The following KL variants were observed in gnomAD, a reference collection of about 807,000 sequenced individuals.
The protein encoded by KL is klotho.
KL carries 62 observed loss-of-function variants against 84.2 expected under a neutral mutation model. The ratio of observed to expected loss-of-function variants is 0.74; its 90% confidence interval spans 0.60 to 0.91. The LOEUF (loss-of-function observed/expected upper bound fraction) is 0.91. KL is among the 40% of genes least tolerant of loss of function. The pLI is 0.00. For synonymous variants in KL, 528 were observed against 528.0 expected (o/e 1.00, Z 0.00); for missense variants, 1,261 against 1,305.7 (o/e 0.97, Z 0.53).
chr13:33,059,460 AC>A (rs1872089187), intron 3 of KL, among the ~76,000 whole-genome samples: 1 of 151,432 alleles, frequency 6.6e-6, no homozygotes, highest in Admixed American at 6.6e-5. Context: ...CCCTCCTTAG[AC>A]TTTCTTTTCT....
At chr13:33,028,100 T>C (rs771983797) in intron 1 of KL, among the ~76,000 whole-genome samples, 12 of 152,064 alleles carry the variant, frequency 7.9e-5, no homozygotes, top group Non-Finnish European at 1.6e-4. Flanking sequence ...ATTGGCGGAG[T>C]CCACATCTTG....
Position 33,016,751 on chromosome 13 carries a change from C to A in KL, c.311C>A (p.Ser104Tyr). The change falls in exon 1 of 5, where the codon TCC (serine) becomes TAC (tyrosine). Residue 104 changes from serine (S) to tyrosine (Y), a missense_variant. Coordinates refer to ENST00000380099, the MANE Select transcript of KL (RefSeq NM_004795.4). The part of the protein sequence containing the change: ...THHPLAPPGD[S>Y]RNASLPLGAP... ...CACCCCCTGGCACCCCCGGGAGACTCCCGGAACGCCAGTCTGCCGTTGGGC... is the reference window on the plus strand; with the variant it reads ...CACCCCCTGGCACCCCCGGGAGACTACCGGAACGCCAGTCTGCCGTTGGGC... 1 of 1,611,784 alleles carries A rather than the reference C, an allele frequency of 6.2e-7. No individual in the cohort carries two copies.
chr13:33,038,566 G>A (rs1157810158), intron 1 of KL, among the ~76,000 whole-genome samples: 1 of 152,138 alleles, frequency 6.6e-6, no homozygotes, highest in Non-Finnish European at 1.5e-5. Flanking sequence ...TTTTGGTGGA[G>A]AATAATTTAA....
Position 33,018,771 on chromosome 13 carries a change from G to A in KL, c.819+1512G>A, listed in dbSNP as rs1870464776. On this transcript the variant is annotated intron_variant, in intron 1 of 4. Coordinates refer to ENST00000380099, the MANE Select transcript of KL (RefSeq NM_004795.4). Reference sequence around the variant, plus strand: ...AATGGATCAGCTGGAGGATCTAATAGATCATGCCCATAAAATCTTTACTTT... The same window carrying A: ...AATGGATCAGCTGGAGGATCTAATAAATCATGCCCATAAAATCTTTACTTT... Among the ~76,000 whole-genome samples the A allele has an allele frequency of 2.0e-5, 3 of 152,244 alleles. No homozygotes were observed. In the South Asian group the frequency reaches 6.2e-4, roughly 32 times the overall value.
chr13:33,059,708 T>A (rs1029073924), intron 3 of KL, among the ~76,000 whole-genome samples: 11 of 152,264 alleles, frequency 7.2e-5, no homozygotes, highest in East Asian at 5.8e-4. Flanking sequence ...CCTGATCTCA[T>A]GATCTGCCCG....
chr13:33,024,760 C>T (rs964002762), intron 1 of KL, among the ~76,000 whole-genome samples: 1 of 152,184 alleles, frequency 6.6e-6, no homozygotes, highest in Non-Finnish European at 1.5e-5. Context: ...CAAGTTCTTC[C>T]ATAGAGACCT....
Position 33,016,960 on chromosome 13 carries a change from C to T in KL, c.520C>T (p.Arg174Trp). Residue 174 changes from arginine (R) to tryptophan (W), a missense_variant, in exon 1 of 5, where the codon CGG (arginine) becomes TGG (tryptophan). Transcript: ENST00000380099. The stretch of plus-strand genomic sequence containing the variant: ...CAACCGCGAGGGGCTGCGCTACTAC[C>T]GGCGCCTGCTGGAGCGGCTGCGGGA... ...VPNREGLRYY[R>W]RLLERLRELG... 1.2e-6 allele frequency: 2 copies of T among 1,602,652 alleles called. No individual in the cohort carries two copies. Among genetic ancestry groups the T allele is most frequent in the South Asian group, 1.1e-5 (1 of 90,148 alleles).
chr13:33,039,548 G>A (rs1341489874), intron 1 of KL, among the ~76,000 whole-genome samples: 2 of 152,124 alleles, frequency 1.3e-5, no homozygotes, highest in African/African-American at 4.8e-5. Context: ...GGAAAGGAAT[G>A]CCTAAATGCA....
At chr13:33,056,395 A>G (rs1204113265) in intron 3 of KL, among the ~76,000 whole-genome samples, 1 of 152,202 alleles carries the variant, frequency 6.6e-6, no homozygotes, top group Non-Finnish European at 1.5e-5. Flanking sequence ...TCTTTTATTT[A>G]TAAGGAAATA....
rs753373810 is a variant in KL, at chr13:33,016,782, G to A, written c.342G>A (p.Pro114=). The change falls in exon 1 of 5, where the codon CCG becomes CCA. Residue 114 remains proline, a synonymous_variant. Coordinates refer to ENST00000380099, the MANE Select transcript of KL (RefSeq NM_004795.4). The part of the protein sequence containing the change: ...SRNASLPLGA[P]SPLQPATGDV... ...ACGCCAGTCTGCCGTTGGGCGCCCC[G>A]TCGCCGCTGCAGCCCGCCACCGGGG... The A allele has an allele frequency of 1.2e-6, 2 of 1,611,834 alleles. No individual in the cohort carries two copies. Among genetic ancestry groups the A allele is most frequent in the East Asian group, 4.5e-5 (2 of 44,804 alleles).
chr13:33,032,436 C>T (rs558871280), intron 1 of KL, among the ~76,000 whole-genome samples: 4 of 152,264 alleles, frequency 2.6e-5, no homozygotes, highest in African/African-American at 9.6e-5. Flanking sequence ...CACATGTGAT[C>T]CGCGGTTGAG....
chr13:33,065,048 T>A lies in KL; in HGVS notation c.*862T>A, dbSNP rs961315390. On this transcript the variant is annotated 3_prime_UTR_variant, in exon 5 of 5. Coordinates refer to ENST00000380099, the MANE Select transcript of KL (RefSeq NM_004795.4). ...GAAAAAGTGCTTATTATGTGCAACA[T>A]TATGATTAATCTGATTATACACCAT... The A allele has an allele frequency of 1.8e-5, 4 of 228,556 alleles. No individual in the cohort carries two copies. Among genetic ancestry groups the A allele is most frequent in the African/African-American group, 6.7e-5 (3 of 45,088 alleles). 14.2% of individuals were successfully genotyped at this position (228,556 alleles called of 1,614,324 possible).
At chr13:33,024,781 G>C (rs1457415105) in intron 1 of KL, among the ~76,000 whole-genome samples, 1 of 152,118 alleles carries the variant, frequency 6.6e-6, no homozygotes, top group African/African-American at 2.4e-5. Flanking sequence ...GTGTCCCCTT[G>C]TTCCCATCAG....
intron 1 of KL, among the ~76,000 whole-genome samples, chr13:33,019,812 G>T (rs989330888): frequency 7.6e-6 from 1 of 130,918 alleles, no homozygotes; most frequent in African/African-American, 2.8e-5. Context: ...AGAGAGAGAG[G>T]TCTCCTACAA....
intron 1 of KL, among the ~76,000 whole-genome samples, chr13:33,053,039 C>T (rs1279386272): frequency 6.6e-6 from 1 of 152,156 alleles, no homozygotes; most frequent in East Asian, 1.9e-4. Flanking sequence ...AAGCCCTTTT[C>T]ACTGCTGTAC....
chr13:33,030,065 G>C lies in KL; in HGVS notation c.819+12806G>C, dbSNP rs1870921612. Among the ~76,000 whole-genome samples, 4 of 152,120 alleles carry C rather than the reference G, an allele frequency of 2.6e-5. No homozygotes were observed. In the South Asian group the frequency reaches 8.3e-4, roughly 32 times the overall value. ...CATGGTGGAAGGTGAGAGGGCAAGA[G>C]AGAGACAAAAGGAGGCTGAACTCAT... On this transcript the variant is annotated intron_variant, in intron 1 of 4. Coordinates refer to ENST00000380099, the MANE Select transcript of KL (RefSeq NM_004795.4).
chr13:33,035,286 G>A (rs1871115677), intron 1 of KL, among the ~76,000 whole-genome samples: 2 of 152,336 alleles, frequency 1.3e-5, no homozygotes, highest in South Asian at 4.1e-4. Flanking sequence ...CTATAAATGA[G>A]CCTGTTAAAG....
chr13:33,048,821 G>T (rs561681950), intron 1 of KL, among the ~76,000 whole-genome samples: 1 of 152,300 alleles, frequency 6.6e-6, no homozygotes, highest in East Asian at 1.9e-4. Flanking sequence ...TTCTGTGGGG[G>T]ATACGTATAG....
chr13:33,056,869 G>T (rs1593809272), intron 3 of KL, among the ~76,000 whole-genome samples: 1 of 152,050 alleles, frequency 6.6e-6, no homozygotes, highest in South Asian at 2.1e-4. Flanking sequence ...CAGGAGAAAG[G>T]CTTCTGAGCT....
Sources: allele counts gnomAD v4.1 joint callset (sites outside exome capture counted in the v4.1 genomes callset), GRCh38; gene constraint gnomAD v4.1.1; transcripts MANE v1.5; gene names NCBI Gene and HGNC (gene_info 2026-07-23, HGNC 2026-07-21).